RNF130: variants seen among roughly 807,000 people sequenced by gnomAD.
RNF130 encodes ring finger protein 130, also known as E3 ubiquitin-protein ligase RNF130.
RNF130 carries 21 observed loss-of-function variants against 44.6 expected under a neutral mutation model. That is an observed-to-expected ratio of 0.47 (90% confidence interval 0.33 to 0.68). The LOEUF is 0.68. Ranked by LOEUF, RNF130 falls within the 30% of genes least tolerant of loss-of-function variation. The pLI is 0.02. For synonymous variants in RNF130, 214 were observed against 210.4 expected, an observed-to-expected ratio of 1.02 and a Z score of -0.15; for missense variants, 479 against 560.6, an observed-to-expected ratio of 0.85 and a Z score of 1.47.
chr5:180,016,915 C>T (rs1168788945), intron 2 of RNF130, among the ~76,000 whole-genome samples: 1 of 152,232 alleles, frequency 6.6e-6, no homozygotes. Context: ...AGGCTAGCTA[C>T]GTGGCCACAA....
chr5:180,040,374 A>C, intron 2 of RNF130, 79 bp downstream of exon 2: 1 of 1,311,190 alleles, frequency 7.6e-7, no homozygotes, highest in Non-Finnish European at 1.1e-6. Context: ...ACATGGCTTC[A>C]GCAGAGGCAG....
intron 1 of RNF130, among the ~76,000 whole-genome samples, chr5:180,065,844 T>A (rs987203813): frequency 5.9e-5 from 9 of 152,268 alleles, no homozygotes; most frequent in African/African-American, 1.7e-4. Context: ...TCTCTTTTTT[T>A]AATTAAACTT....
chr5:179,946,983 ACT>A (rs145286846), intron 7 of RNF130, among the ~76,000 whole-genome samples: 2,959 of 151,988 alleles, frequency 0.019, 80 homozygotes, highest in African/African-American at 0.066. Context: ...CAAATAAAGT[ACT>A]CTCCTTACAG....
At chr5:179,970,528 T>C (rs745714909) in intron 5 of RNF130, 22 bp from the exon 6 acceptor site, 10 of 1,565,334 alleles carry the variant, frequency 6.4e-6, no homozygotes, top group Middle Eastern at 1.7e-4. Flanking sequence ...TGGAGAATTA[T>C]GTCACAAGTT....
intron 1 of RNF130, 86 bp from the exon 2 acceptor site, chr5:180,040,733 C>A: frequency 7.8e-7 from 1 of 1,281,536 alleles, no homozygotes; most frequent in Admixed American, 2.4e-5. Flanking sequence ...CTGAATACCA[C>A]ACAGAGCTAA....
intron 5 of RNF130, among the ~76,000 whole-genome samples, chr5:179,975,775 T>G (rs1055470222): frequency 6.6e-6 from 1 of 152,138 alleles, no homozygotes; most frequent in African/African-American, 2.4e-5. Context: ...GCAGCGAAAT[T>G]CCGTGAACCG....
At chr5:180,062,729 T>C (rs568792215) in intron 1 of RNF130, among the ~76,000 whole-genome samples, 2 of 152,310 alleles carry the variant, frequency 1.3e-5, no homozygotes, top group African/African-American at 4.8e-5. Flanking sequence ...ATGAATGTGG[T>C]AGACTTCTGT....
chr5:179,958,446 C>A (rs1762257082), intron 8 of RNF130, among the ~76,000 whole-genome samples: 1 of 152,140 alleles, frequency 6.6e-6, no homozygotes, highest in East Asian at 1.9e-4. Flanking sequence ...ATTTAAGGTT[C>A]TAAAAGAGGT....
intron 3 of RNF130, among the ~76,000 whole-genome samples, chr5:180,012,672 T>A (rs1314491199): frequency 6.6e-6 from 1 of 152,180 alleles, no homozygotes; most frequent in Non-Finnish European, 1.5e-5. Context: ...AAAATTCACA[T>A]GGGAAAGAAT....
chr5:180,023,229 A>G (rs1763911982), intron 2 of RNF130, among the ~76,000 whole-genome samples: 1 of 152,228 alleles, frequency 6.6e-6, no homozygotes, highest in African/African-American at 2.4e-5. Context: ...AGATAGAAAT[A>G]TTTATAGATA....
At chr5:179,927,105 A>C (rs1761718421) in intron 7 of RNF130, among the ~76,000 whole-genome samples, 1 of 152,220 alleles carries the variant, frequency 6.6e-6, no homozygotes, top group Non-Finnish European at 1.5e-5. Flanking sequence ...TAGGGTAGTC[A>C]TCAGCTGATA....
chr5:179,921,420 G>C (rs1561658224), intron 7 of RNF130, among the ~76,000 whole-genome samples: 1 of 152,226 alleles, frequency 6.6e-6, no homozygotes, highest in Admixed American at 6.5e-5. Context: ...GTGAACATAT[G>C]CTTTCACATC....
chr5:180,042,684 C>T (rs1385670727), intron 1 of RNF130, among the ~76,000 whole-genome samples: 1 of 152,102 alleles, frequency 6.6e-6, no homozygotes, highest in Admixed American at 6.6e-5. Flanking sequence ...GTGTTCTGTT[C>T]GTTATTTTTC....
At chr5:179,915,286 G>C (rs1209415547) in exon 8 of RNF130, 1 of 151,168 alleles carries the variant, frequency 6.6e-6, no homozygotes, top group Non-Finnish European at 1.5e-5. Context: ...CCGAGACGGC[G>C]CTACTGCACT....
intron 1 of RNF130, among the ~76,000 whole-genome samples, chr5:180,060,455 C>G (rs1434107862): frequency 6.6e-6 from 1 of 152,150 alleles, no homozygotes; most frequent in Non-Finnish European, 1.5e-5. Flanking sequence ...GAAACACATG[C>G]TAAATGCAAA....
chr5:180,008,243 T>C (rs991617227), intron 3 of RNF130, among the ~76,000 whole-genome samples: 16 of 152,016 alleles, frequency 1.1e-4, no homozygotes, highest in East Asian at 3.9e-4. Flanking sequence ...AAGAGAAGGA[T>C]GGCCTAACAT....
intron 3 of RNF130, among the ~76,000 whole-genome samples, chr5:179,985,153 C>T (rs1291362070): frequency 1.4e-4 from 13 of 91,968 alleles, no homozygotes; most frequent in South Asian, 4.1e-4. Flanking sequence ...TACCCCCTAA[C>T]TTTTTTTTTT....
At chr5:179,958,612 A>G (rs2113695701) in intron 8 of RNF130, among the ~76,000 whole-genome samples, 1 of 152,340 alleles carries the variant, frequency 6.6e-6, no homozygotes, top group South Asian at 2.1e-4. Flanking sequence ...CTGAAGAATC[A>G]GGTCCTGGTG....
At chr5:179,946,699 G>A (rs974529419) in intron 7 of RNF130, among the ~76,000 whole-genome samples, 7 of 151,844 alleles carry the variant, frequency 4.6e-5, no homozygotes, top group Admixed American at 1.3e-4. Context: ...GACTACAGGC[G>A]CCCGCCACCA....
Sources: gnomAD v4.1 joint callset for allele counts (sites outside exome capture counted in the v4.1 genomes callset) on GRCh38, gnomAD v4.1.1 for gene constraint, MANE v1.5 for transcripts, NCBI Gene and HGNC (gene_info 2026-07-23, HGNC 2026-07-21) for gene names.